LSAMP: variants seen among roughly 807,000 people sequenced by gnomAD.
LSAMP encodes the protein limbic system associated membrane protein, also known as limbic system-associated membrane protein.
A neutral mutation model predicts 38.6 loss-of-function variants in LSAMP; 7 were observed. The ratio of observed to expected loss-of-function variants is 0.18; its 90% CI spans 0.10 to 0.34. LSAMP has a LOEUF of 0.34. LSAMP is among the 10% of genes least tolerant of loss of function. The pLI, the probability that LSAMP is intolerant of heterozygous loss-of-function variation, is 1.00. For synonymous variants in LSAMP, 154 were observed against 166.8 expected (o/e 0.92, Z 0.59); for missense variants, 313 against 420.0 (o/e 0.75, Z 2.23).
At chr3:116,091,036 G>T (rs1203508796) in intron 1 of LSAMP, among the ~76,000 whole-genome samples, 1 of 152,156 alleles carries the variant, frequency 6.6e-6, no homozygotes, top group Non-Finnish European at 1.5e-5. Flanking sequence ...GGAGCGCTAT[G>T]GGAGACTGGA....
At chr3:116,146,964 T>C (rs1456580482) in intron 1 of LSAMP, among the ~76,000 whole-genome samples, 1 of 151,934 alleles carries the variant, frequency 6.6e-6, no homozygotes, top group African/African-American at 2.4e-5. Flanking sequence ...ATGAGCAAGA[T>C]GACATTTAAG....
chr3:115,971,784 T>A (rs2107612256), intron 3 of LSAMP, among the ~76,000 whole-genome samples: 1 of 152,292 alleles, frequency 6.6e-6, no homozygotes, highest in African/African-American at 2.4e-5. Flanking sequence ...TAAGGGAATG[T>A]TTCACATCAG....
At chr3:116,041,392 A>C (rs1941167343) in intron 2 of LSAMP, among the ~76,000 whole-genome samples, 1 of 152,180 alleles carries the variant, frequency 6.6e-6, no homozygotes, top group Non-Finnish European at 1.5e-5. Context: ...AAGATTGATG[A>C]AACACATATG....
intron 2 of LSAMP, among the ~76,000 whole-genome samples, chr3:116,020,706 G>T (rs1162197227): frequency 6.6e-6 from 1 of 152,188 alleles, no homozygotes; most frequent in African/African-American, 2.4e-5. Flanking sequence ...AGGCTTAAGT[G>T]GGGAGTGAAT....
intron 1 of LSAMP, among the ~76,000 whole-genome samples, chr3:116,328,201 G>A (rs56050560): frequency 0.023 from 3,530 of 152,238 alleles, 149 homozygotes; most frequent in African/African-American, 0.081. Flanking sequence ...ATAAAGCAAC[G>A]CAACGTCAAG....
At chr3:116,095,677 C>G (rs528211141) in intron 1 of LSAMP, among the ~76,000 whole-genome samples, 1 of 152,124 alleles carries the variant, frequency 6.6e-6, no homozygotes, top group Non-Finnish European at 1.5e-5. Flanking sequence ...AGGAGAGAAC[C>G]GATTTCTATC....
intron 1 of LSAMP, among the ~76,000 whole-genome samples, chr3:116,441,052 C>G (rs986939130): frequency 1.3e-5 from 2 of 152,108 alleles, no homozygotes; most frequent in African/African-American, 4.8e-5. Context: ...TCTTTTCCCC[C>G]CTTGGTGTAG....
intron 1 of LSAMP, among the ~76,000 whole-genome samples, chr3:116,337,608 C>A (rs2047937664): frequency 6.6e-6 from 1 of 152,026 alleles, no homozygotes; most frequent in Non-Finnish European, 1.5e-5. Flanking sequence ...TCAAAGAAGA[C>A]TCTTACTACC....
chr3:116,359,419 C>A (rs2048272077), intron 1 of LSAMP, among the ~76,000 whole-genome samples: 1 of 152,172 alleles, frequency 6.6e-6, no homozygotes, highest in Non-Finnish European at 1.5e-5. Flanking sequence ...TCCAGACCAA[C>A]CATAGACATC....
At chr3:116,391,214 G>A (rs192143694) in intron 1 of LSAMP, among the ~76,000 whole-genome samples, 78 of 152,100 alleles carry the variant, frequency 5.1e-4, no homozygotes, top group Middle Eastern at 3.4e-3. Context: ...ACCGTCTGGA[G>A]CGGCTGCTGC....
chr3:116,098,744 T>C (rs1708279985), intron 1 of LSAMP, among the ~76,000 whole-genome samples: 1 of 152,170 alleles, frequency 6.6e-6, no homozygotes, highest in Non-Finnish European at 1.5e-5. Context: ...CTTCTTTCTC[T>C]CACCAAAGCA....
intron 2 of LSAMP, among the ~76,000 whole-genome samples, chr3:116,047,342 C>T (rs1467343035): frequency 6.7e-6 from 1 of 149,682 alleles, no homozygotes; most frequent in African/African-American, 2.5e-5. Context: ...CCTTACTGTT[C>T]CTAGTGTCTT....
chr3:116,406,211 T>C (rs2048895283), intron 1 of LSAMP, among the ~76,000 whole-genome samples: 1 of 152,114 alleles, frequency 6.6e-6, no homozygotes, highest in Non-Finnish European at 1.5e-5. Context: ...TCTGAGGATG[T>C]ACTGCATGAA....
chr3:116,151,326 G>A (rs945215590), intron 1 of LSAMP, among the ~76,000 whole-genome samples: 3 of 151,946 alleles, frequency 2.0e-5, no homozygotes, highest in African/African-American at 7.2e-5. Context: ...GTAAGAAGAG[G>A]TTTTCTGGGG....
intron 1 of LSAMP, among the ~76,000 whole-genome samples, chr3:116,173,714 G>A (rs7644082): frequency 0.84 from 127,512 of 151,794 alleles, 53,772 homozygotes; most frequent in South Asian, 0.91. Flanking sequence ...AATTGAAGAT[G>A]AGCGAGAGCA....
chr3:116,353,411 A>G (rs1004280529), intron 1 of LSAMP, among the ~76,000 whole-genome samples: 3 of 152,090 alleles, frequency 2.0e-5, no homozygotes, highest in Non-Finnish European at 4.4e-5. Context: ...TTTATTATAA[A>G]CTGCCTTGGT....
chr3:115,949,454 T>G (rs2107574484), intron 3 of LSAMP, among the ~76,000 whole-genome samples: 1 of 152,096 alleles, frequency 6.6e-6, no homozygotes, highest in East Asian at 1.9e-4. Flanking sequence ...TATGAACACC[T>G]TTATGCACAC....
chr3:115,940,415 G>A (rs1937878189), intron 3 of LSAMP, among the ~76,000 whole-genome samples: 2 of 150,868 alleles, frequency 1.3e-5, no homozygotes, highest in African/African-American at 4.9e-5. Context: ...GCTAATTGGT[G>A]CATTTACAAT....
chr3:115,966,580 G>A (rs1303433995), intron 3 of LSAMP, among the ~76,000 whole-genome samples: 2 of 152,036 alleles, frequency 1.3e-5, no homozygotes, highest in African/African-American at 4.8e-5. Flanking sequence ...CAAAAAAAAT[G>A]TTCATAACAC....
Sources: gnomAD v4.1 joint callset for allele counts (sites outside exome capture counted in the v4.1 genomes callset) on GRCh38, gnomAD v4.1.1 for gene constraint, MANE v1.5 for transcripts, NCBI Gene and HGNC (gene_info 2026-07-23, HGNC 2026-07-21) for gene names.